JPH1: variants seen among roughly 807,000 people sequenced by gnomAD.
The protein encoded by JPH1 is junctophilin 1, also known as junctophilin-1.
Under a neutral mutation model 53.6 loss-of-function variants are expected in JPH1, and 12 were observed. That is an observed-to-expected ratio of 0.22 (90% CI 0.14 to 0.36). The LOEUF (loss-of-function observed/expected upper bound fraction) is 0.36, where lower values mean the gene tolerates loss of function less well. JPH1 is among the 10% of genes least tolerant of loss of function. The pLI, the probability that JPH1 is intolerant of heterozygous loss-of-function variation, is 1.00. For synonymous variants in JPH1, 375 were observed against 363.8 expected, an observed-to-expected ratio of 1.03 and a Z score of -0.35; for missense variants, 808 against 905.5, an observed-to-expected ratio of 0.89 and a Z score of 1.38.
At chr8:74,262,625 GTA>G (rs1806424819) in intron 2 of JPH1, among the ~76,000 whole-genome samples, 2 of 152,208 alleles carry the variant, frequency 1.3e-5, no homozygotes, top group South Asian at 4.1e-4. Context: ...ATCAAATGCA[GTA>G]AAAAGTAACT....
chr8:74,266,119 T>C (rs1806524097), intron 2 of JPH1, among the ~76,000 whole-genome samples: 1 of 150,730 alleles, frequency 6.6e-6, no homozygotes, highest in Non-Finnish European at 1.5e-5. Context: ...TACTTTTCAG[T>C]ATATACTAAA....
intron 2 of JPH1, among the ~76,000 whole-genome samples, chr8:74,311,655 A>G (rs987957792): frequency 9.9e-5 from 6 of 60,898 alleles, no homozygotes; most frequent in African/African-American, 3.8e-4. Flanking sequence ...TATATCTCCC[A>G]ATGCTATCCC....
intron 1 of JPH1, among the ~76,000 whole-genome samples, chr8:74,318,728 G>A (rs1808230699): frequency 6.6e-6 from 1 of 152,148 alleles, no homozygotes; most frequent in African/African-American, 2.4e-5. Context: ...ATGGACATGT[G>A]GCGATGGGGA....
At chr8:74,241,081 C>A (rs959569516) in intron 4 of JPH1, among the ~76,000 whole-genome samples, 1 of 152,122 alleles carries the variant, frequency 6.6e-6, no homozygotes, top group Admixed American at 6.6e-5. Context: ...CATACACACA[C>A]ACACATATTT....
At chr8:74,281,053 CTG>C (rs1243604487) in intron 2 of JPH1, among the ~76,000 whole-genome samples, 1 of 152,148 alleles carries the variant, frequency 6.6e-6, no homozygotes, top group Non-Finnish European at 1.5e-5. Context: ...CCGCGTGGTT[CTG>C]TCTTTCACCT....
chr8:74,316,922 G>A (rs1340969878), intron 1 of JPH1, among the ~76,000 whole-genome samples: 3 of 152,084 alleles, frequency 2.0e-5, no homozygotes, highest in African/African-American at 7.2e-5. Flanking sequence ...AAGCTATCTG[G>A]AAAATTTAAA....
chr8:74,297,310 C>G (rs564499458), intron 2 of JPH1, among the ~76,000 whole-genome samples: 1 of 152,308 alleles, frequency 6.6e-6, no homozygotes, highest in East Asian at 1.9e-4. Flanking sequence ...TCCCGACCAG[C>G]TTTGGAGACT....
rs770329903 is a variant in JPH1, at chr8:74,259,509, CG to C, written c.1140-7del. The C allele has an allele frequency of 1.3e-6, 2 of 1,572,752 alleles. No homozygotes were observed. The highest frequency in any genetic ancestry group is 2.7e-5 in the African/African-American group (2 of 73,626). ...TCGCTCTGGCATGTGCAGTCCTACA[CG>C]GGGCACAAAAGGACGAGTCAGCATA... On this transcript the variant is annotated splice_region_variant and splice_polypyrimidine_tract_variant and intron_variant, in intron 2 of 5. Coordinates refer to ENST00000342232, the MANE Select transcript of JPH1 (RefSeq NM_020647.4).
Position 74,321,213 on chromosome 8 carries a change from C to A in JPH1, c.75G>T (p.Gly25=). 5.6e-6 allele frequency: 9 copies of A among 1,611,752 alleles called. No homozygotes were observed. Among genetic ancestry groups the A allele is most frequent in the Non-Finnish European group, 7.6e-6 (9 of 1,179,264 alleles). The stretch of plus-strand genomic sequence containing the variant: ...CCTTGGGCCCCGTGCAGATGCCATG[C>A]CCGTGCGCCTTGCCCTCCTCCCAGC... ...CGGWEEGKAH[G]HGICTGPKGQ... is the part of the protein sequence containing the mutation. The change falls in exon 1 of 6, where the codon GGG becomes GGT. Residue 25 remains glycine (G), a synonymous_variant. Coordinates refer to ENST00000342232, the MANE Select transcript of JPH1 (RefSeq NM_020647.4). This position sits in a 1 kb window ranked among gnomAD's most constrained non-coding sequence, Gnocchi z 4.3.
chr8:74,255,672 C>T (rs1262983936), intron 3 of JPH1, among the ~76,000 whole-genome samples: 1 of 152,082 alleles, frequency 6.6e-6, no homozygotes. Flanking sequence ...TATCCAGAAT[C>T]TACAATGAAC....
intron 2 of JPH1, among the ~76,000 whole-genome samples, chr8:74,271,838 T>TC (rs1806709675): frequency 6.6e-6 from 1 of 151,904 alleles, no homozygotes; most frequent in Admixed American, 6.6e-5. Context: ...GCCTGTGGGG[T>TC]CCATCATGTT....
chr8:74,258,549 T>C (rs551177447), intron 3 of JPH1, among the ~76,000 whole-genome samples: 6 of 152,228 alleles, frequency 3.9e-5, no homozygotes, highest in Admixed American at 1.3e-4. Context: ...CATTGTGACA[T>C]GCATTTTCCT....
At chr8:74,271,575 C>G (rs1227168902) in intron 2 of JPH1, among the ~76,000 whole-genome samples, 2 of 152,196 alleles carry the variant, frequency 1.3e-5, no homozygotes, top group Non-Finnish European at 2.9e-5. Flanking sequence ...TGAAAAATCC[C>G]CTTCCATTTA....
chr8:74,288,522 T>A (rs1003126451), intron 2 of JPH1, among the ~76,000 whole-genome samples: 1 of 149,728 alleles, frequency 6.7e-6, no homozygotes, highest in Non-Finnish European at 1.5e-5. Context: ...AGTGGGGAGG[T>A]GGGAAGAGTA....
At chr8:74,302,692 G>A (rs1283172209) in intron 2 of JPH1, among the ~76,000 whole-genome samples, 1 of 152,138 alleles carries the variant, frequency 6.6e-6, no homozygotes, top group Non-Finnish European at 1.5e-5. Context: ...CCTGTGACAA[G>A]CTCACCCAGG....
At chr8:74,274,770 A>T (rs1020536083) in intron 2 of JPH1, among the ~76,000 whole-genome samples, 1 of 152,208 alleles carries the variant, frequency 6.6e-6, no homozygotes, top group East Asian at 1.9e-4. Context: ...CTCTATCATG[A>T]AAAATCAGAA....
chr8:74,245,013 T>A lies in JPH1; in HGVS notation c.1421A>T (p.His474Leu). 6.2e-7 allele frequency: 1 copy of A among 1,613,774 alleles called. No individual in the cohort carries two copies. The highest frequency in any genetic ancestry group is 2.2e-5 in the East Asian group (1 of 44,846). The change falls in exon 4 of 6, where the codon CAC (histidine) becomes CTC (leucine). Residue 474 changes from histidine to leucine, a missense_variant. Coordinates refer to ENST00000342232, the MANE Select transcript of JPH1 (RefSeq NM_020647.4). Reference sequence around the variant, plus strand: ...GGGCTTTGGGGAGGAAGCAGGAGAGTGGCTGTGTTTGGGACTTGCCTCAGG... The same window carrying A: ...GGGCTTTGGGGAGGAAGCAGGAGAGAGGCTGTGTTTGGGACTTGCCTCAGG... ...RSPEASPKHSHSPASSPKPLK... is the reference protein window; with the variant it reads ...RSPEASPKHSLSPASSPKPLK...
chr8:74,307,523 T>A (rs1372932868), intron 2 of JPH1, among the ~76,000 whole-genome samples: 1 of 152,202 alleles, frequency 6.6e-6, no homozygotes, highest in African/African-American at 2.4e-5. Flanking sequence ...GTAGCAGAAC[T>A]AAAGAAAATA....
chr8:74,264,106 T>C (rs192205609), intron 2 of JPH1, among the ~76,000 whole-genome samples: 361 of 152,316 alleles, frequency 2.4e-3, no homozygotes, highest in Non-Finnish European at 3.2e-3. Context: ...CAGGTACACA[T>C]AGGGCCCTGA....
Sources: gnomAD v4.1 joint callset for allele counts (sites outside exome capture counted in the v4.1 genomes callset) on GRCh38, gnomAD v4.1.1 for gene constraint, Gnocchi (gnomAD v3.1) non-coding constraint, MANE v1.5 for transcripts, NCBI Gene and HGNC (gene_info 2026-07-23, HGNC 2026-07-21) for gene names.